The following NUP214 variants were observed in gnomAD, a reference collection of about 807,000 sequenced individuals.
NUP214 encodes the protein nucleoporin 214, also known as nuclear pore complex protein Nup214.
In NUP214, 79 loss-of-function variants were observed where a neutral mutation model predicts 196.2. The ratio of observed to expected loss-of-function variants is 0.40; its 90% CI spans 0.34 to 0.49. The LOEUF (loss-of-function observed/expected upper bound fraction) is 0.49, where lower values mean the gene tolerates loss of function less well. Among genes scored for constraint, NUP214 ranks in the 20% least tolerant of loss-of-function variants. The pLI is 0.58. For missense variants in NUP214, 2,468 were observed against 2,539.0 expected (o/e 0.97, Z 0.60); for synonymous variants, 1,020 against 990.5 (o/e 1.03, Z -0.56).
In NUP214 at chr9:131,170,318, G is replaced by T. The variant is rs550484057; in HGVS notation, c.2894-3737G>T. Among the ~76,000 whole-genome samples, 3 of 152,212 alleles carry T rather than the reference G, an allele frequency of 2.0e-5. No individual in the cohort carries two copies. In the South Asian group the frequency reaches 6.2e-4, roughly 32 times the overall value. On this transcript the variant is annotated intron_variant, in intron 21 of 35. Transcript: ENST00000359428. The stretch of plus-strand genomic sequence containing the variant: ...GAGCGAAACTCCGTCTTTAAAAAAA[G>T]AAAGTTTTGGGGGAGGAATTTTGCC...
chr9:131,192,164 ATATTCTT>A (rs2131032176), intron 26 of NUP214, 37 bp from the exon 27 acceptor site: 1 of 966,168 alleles, frequency 1.0e-6, no homozygotes, highest in African/African-American at 2.2e-5. Flanking sequence ...TCTTTTTGTA[ATATTCTT>A]TTTTTTTTTT....
At chr9:131,215,106 T>G (rs531059168) in intron 30 of NUP214, 106 bp from the exon 31 acceptor site, 178 of 1,068,362 alleles carry the variant, frequency 1.7e-4, no homozygotes, top group Non-Finnish European at 2.0e-4. Context: ...CTAATCTTGC[T>G]TTTTCCATTT....
chr9:131,212,035 C>T (rs914503348), intron 30 of NUP214, among the ~76,000 whole-genome samples: 4 of 152,194 alleles, frequency 2.6e-5, no homozygotes, highest in Non-Finnish European at 4.4e-5. Context: ...CAGCAAGGAA[C>T]AGCCCTGAGA....
Position 131,151,912 on chromosome 9 carries a change from A to G in NUP214, c.2436+18A>G. 1 of 1,569,824 alleles carries G rather than the reference A, an allele frequency of 6.4e-7. No individual in the cohort carries two copies. The highest frequency in any genetic ancestry group is 8.6e-7 in the Non-Finnish European group (1 of 1,162,412). On this transcript the variant is annotated intron_variant, in intron 17 of 35. Coordinates refer to ENST00000359428, the MANE Select transcript of NUP214 (RefSeq NM_005085.4). ...AGCTTCAGGTAGGAGATCTATGTAAATCTGTTTAAAAGATTTAAAAACAAG... is the reference window on the plus strand; with the variant it reads ...AGCTTCAGGTAGGAGATCTATGTAAGTCTGTTTAAAAGATTTAAAAACAAG...
In NUP214 at chr9:131,198,292, G is replaced by C; in HGVS notation, c.4798G>C (p.Ala1600Pro). The change falls in exon 29 of 36, where the codon GCT (alanine) becomes CCT (proline). Residue 1600 changes from alanine (A) to proline (P), a missense_variant. Physicochemically the swap from Ala to Pro is conservative, Grantham distance 27. Coordinates refer to ENST00000359428, the MANE Select transcript of NUP214 (RefSeq NM_005085.4). The stretch of plus-strand genomic sequence containing the variant: ...TGGGCAGACTGCTGTCACAGCAGCT[G>C]CTATCTCAAGTGCAGGCCCTGTGGC... The part of the protein sequence containing the change: ...VPGQTAVTAA[A>P]ISSAGPVAVE... The C allele has an allele frequency of 6.2e-7, 1 of 1,614,208 alleles. No homozygotes were observed. Among genetic ancestry groups the C allele is most frequent in the Non-Finnish European group, 8.5e-7 (1 of 1,180,040 alleles).
chr9:131,231,802 A>G (rs774889091), intron 34 of NUP214, among the ~76,000 whole-genome samples: 3 of 151,934 alleles, frequency 2.0e-5, no homozygotes, highest in Non-Finnish European at 4.4e-5. Context: ...AGAAACTCCA[A>G]GGAACTAAGT....
At chr9:131,170,811 T>C (rs1199571372) in intron 21 of NUP214, among the ~76,000 whole-genome samples, 1 of 150,708 alleles carries the variant, frequency 6.6e-6, no homozygotes, top group African/African-American at 2.4e-5. Context: ...ATCATTATTA[T>C]TATTATTATT....
chr9:131,193,362 C>A (rs562511359), intron 27 of NUP214, among the ~76,000 whole-genome samples: 100 of 152,218 alleles, frequency 6.6e-4, no homozygotes, highest in Non-Finnish European at 1.3e-3. Context: ...GCTTTTGTAA[C>A]TAGGAGCATA....
intron 31 of NUP214, 118 bp downstream of exon 31, chr9:131,215,486 T>A: frequency 8.9e-7 from 1 of 1,125,700 alleles, no homozygotes; most frequent in Non-Finnish European, 1.2e-6. Context: ...AAGGCTCATT[T>A]AAAATATCTT....
chr9:131,144,524 AGGCCCT>A lies in NUP214; in HGVS notation c.1545_1550del (p.Gly516_Pro517del). The A allele has an allele frequency of 6.2e-7, 1 of 1,614,082 alleles. No individual in the cohort carries two copies. The highest frequency in any genetic ancestry group is 8.5e-7 in the Non-Finnish European group (1 of 1,179,994). ...GCTCCGACAGCTCCAAAGCAGCCCC[AGGCCCT>A]GGCCCATCAACCTTCTCTTTTGTTC... On this transcript the variant is annotated inframe_deletion, in exon 12 of 36. Coordinates refer to ENST00000359428, the MANE Select transcript of NUP214 (RefSeq NM_005085.4).
rs1428373733 is a variant in NUP214 at position 131,234,564 on chromosome 9, G to C, written c.*1077G>C. On this transcript the variant is annotated 3_prime_UTR_variant, in exon 36 of 36. Transcript: ENST00000359428. The stretch of plus-strand genomic sequence containing the variant: ...CTGACAGTGCTTTGGCTTGGGTCAT[G>C]AGCAGCGGGGAGTTGGGAAGAGATT... 1 of 231,732 alleles carries C rather than the reference G, an allele frequency of 4.3e-6. No individual in the cohort carries two copies. The highest frequency in any genetic ancestry group is 8.5e-6 in the Non-Finnish European group (1 of 117,292). The allele number at this position is 231,732 out of a possible 1,614,324, so 14.4% of individuals were successfully genotyped here.
At chr9:131,167,396 C>T (rs1832814453) in intron 21 of NUP214, 1 of 152,174 alleles carries the variant, frequency 6.6e-6, no homozygotes, top group Non-Finnish European at 1.5e-5. Flanking sequence ...TCCTGTTGGA[C>T]ATGTGCTGCT....
In NUP214 at chr9:131,197,816, T is replaced by C; in HGVS notation, c.4322T>C (p.Phe1441Ser). Reference protein sequence around the residue: ...SLSAGKTSFSFGSQQTNSTVP... With the variant: ...SLSAGKTSFSSGSQQTNSTVP... ...AGTGCTGGCAAGACTAGTTTTTCAT[T>C]TGGAAGCCAACAGACCAATAGCACA... The change falls in exon 29 of 36, where the codon TTT (phenylalanine) becomes TCT (serine). Residue 1441 changes from phenylalanine (F) to serine (S), a missense_variant. Phe to Ser is a radical substitution (Grantham distance 155). Around this residue, in one of 5 missense-constraint regions of NUP214, gnomAD observed 1,801 missense variants for 1,779.4 expected, o/e 1.01. Transcript: ENST00000359428. 2 of 1,613,828 alleles carry C rather than the reference T, an allele frequency of 1.2e-6. No homozygotes were observed. The highest frequency in any genetic ancestry group is 3.3e-5 in the Admixed American group (2 of 60,016).
chr9:131,141,047 G>T (rs575246305), intron 11 of NUP214, among the ~76,000 whole-genome samples: 1 of 151,194 alleles, frequency 6.6e-6, no homozygotes, highest in East Asian at 2.0e-4. Context: ...GTTGGTTAAA[G>T]AAATGATTGT....
intron 31 of NUP214, among the ~76,000 whole-genome samples, chr9:131,217,821 C>G (rs1426817936): frequency 6.6e-6 from 1 of 152,238 alleles, no homozygotes; most frequent in Non-Finnish European, 1.5e-5. Context: ...TGCCATGGCT[C>G]TTGACTGTCA....
chr9:131,218,808 C>T (rs1245760708), intron 31 of NUP214, among the ~76,000 whole-genome samples: 2 of 152,096 alleles, frequency 1.3e-5, no homozygotes, highest in African/African-American at 4.8e-5. Flanking sequence ...CAGGGCCCTC[C>T]TTGAGCTGGC....
chr9:131,154,801 C>A lies in NUP214; in HGVS notation c.2436+2907C>A, dbSNP rs1588135984. 2.0e-5 allele frequency among the ~76,000 whole-genome samples: 3 copies of A among 152,230 alleles called. No homozygotes were observed. The South Asian group carries it at 6.2e-4, about 32-fold the overall frequency. ...TGCTGCAAATGCCATTATTTCATTCCTTTTTATGGCTGAGTAGTAGTAGTT... is the reference window on the plus strand; with the variant it reads ...TGCTGCAAATGCCATTATTTCATTCATTTTTATGGCTGAGTAGTAGTAGTT... On this transcript the variant is annotated intron_variant, in intron 17 of 35. Transcript: ENST00000359428.
At chr9:131,164,992 T>G (rs1373816139) in intron 21 of NUP214, among the ~76,000 whole-genome samples, 2 of 152,258 alleles carry the variant, frequency 1.3e-5, no homozygotes, top group Admixed American at 1.3e-4. Flanking sequence ...TCTTACTGAT[T>G]TATTTTTCTG....
intron 31 of NUP214, among the ~76,000 whole-genome samples, chr9:131,219,031 C>T (rs571090618): frequency 4.6e-5 from 7 of 152,178 alleles, no homozygotes; most frequent in Admixed American, 3.9e-4. Context: ...ACCATGATCG[C>T]TCCCTCTCTG....
Sources: gnomAD v4.1 joint callset for allele counts (sites outside exome capture counted in the v4.1 genomes callset) on GRCh38, gnomAD v4.1.1 for gene constraint, gnomAD v4.1.1 regional missense constraint, MANE v1.5 for transcripts, NCBI Gene and HGNC (gene_info 2026-07-23, HGNC 2026-07-21) for gene names.